The following AGBL1 variants were observed in gnomAD, a reference collection of about 807,000 sequenced individuals.
AGBL1 encodes cytosolic carboxypeptidase 4.
AGBL1 carries 130 observed loss-of-function variants against 118.9 expected under a neutral mutation model. The observed-to-expected ratio is 1.09, with a 90% CI of 0.95 to 1.26. The LOEUF (loss-of-function observed/expected upper bound fraction) is 1.26, where lower values mean the gene tolerates loss of function less well. Among genes scored for constraint, AGBL1 ranks in the 50% most tolerant of loss-of-function variants. The pLI is 0.00. For synonymous variants in AGBL1, 555 were observed against 478.9 expected, an observed-to-expected ratio of 1.16 and a Z score of -2.08; for missense variants, 1,584 against 1,298.1, an observed-to-expected ratio of 1.22 and a Z score of -3.38.
At chr15:86,578,192 C>T (rs1008566926) in intron 21 of AGBL1, among the ~76,000 whole-genome samples, 38 of 152,322 alleles carry the variant, frequency 2.5e-4, no homozygotes, top group Non-Finnish European at 4.1e-4. Flanking sequence ...TGGAAACGCA[C>T]CTCTTGCATC....
intron 22 of AGBL1, among the ~76,000 whole-genome samples, chr15:86,838,963 A>AAAAAG (rs1415060078): frequency 9.3e-5 from 14 of 150,280 alleles, no homozygotes; most frequent in African/African-American, 3.4e-4. Flanking sequence ...AAAAAAAAAA[A>AAAAAG]AAAGAAAGAA....
intron 6 of AGBL1, among the ~76,000 whole-genome samples, chr15:86,232,255 C>A (rs1205487821): frequency 1.3e-5 from 2 of 152,194 alleles, no homozygotes; most frequent in East Asian, 3.9e-4. Flanking sequence ...CATCCCTGTC[C>A]CCTTGGGACG....
chr15:86,675,149 C>A (rs746606875), intron 22 of AGBL1, among the ~76,000 whole-genome samples: 18 of 152,060 alleles, frequency 1.2e-4, no homozygotes, highest in Non-Finnish European at 2.5e-4. Context: ...TCCAAGAAGC[C>A]AAAAGCGGCT....
At chr15:86,234,479 AG>A (rs1030650338) in intron 6 of AGBL1, among the ~76,000 whole-genome samples, 5 of 142,580 alleles carry the variant, frequency 3.5e-5, no homozygotes, top group African/African-American at 1.3e-4. Flanking sequence ...TGAACTCTGG[AG>A]GCGGAGGTTG....
At chr15:86,561,513 A>G (rs1432866476) in intron 21 of AGBL1, among the ~76,000 whole-genome samples, 1 of 152,102 alleles carries the variant, frequency 6.6e-6, no homozygotes, top group African/African-American at 2.4e-5. Context: ...ATTGGTCTAT[A>G]TATCTTTTTT....
chr15:86,305,460 AAG>A (rs2079823738), intron 17 of AGBL1, among the ~76,000 whole-genome samples: 1 of 152,188 alleles, frequency 6.6e-6, no homozygotes, highest in African/African-American at 2.4e-5. Context: ...CTTAAAGAAA[AAG>A]AGTTCTAAAG....
intron 17 of AGBL1, among the ~76,000 whole-genome samples, chr15:86,373,806 T>C (rs1488592791): frequency 6.6e-6 from 1 of 152,248 alleles, no homozygotes; most frequent in Non-Finnish European, 1.5e-5. Context: ...TCCTTGAGCA[T>C]AATTAACATC....
intron 18 of AGBL1, among the ~76,000 whole-genome samples, chr15:86,514,109 GA>G (rs2083085783): frequency 6.8e-6 from 1 of 147,306 alleles, no homozygotes; most frequent in Non-Finnish European, 1.5e-5. Context: ...ACAGAGCTGG[GA>G]AATAGATGTA....
intron 21 of AGBL1, among the ~76,000 whole-genome samples, chr15:86,609,457 A>G (rs1175469037): frequency 6.6e-6 from 1 of 152,174 alleles, no homozygotes; most frequent in Non-Finnish European, 1.5e-5. Flanking sequence ...ACTGCTTTCT[A>G]TATCAGTAGC....
chr15:86,355,257 GTTC>G (rs1177289782), intron 17 of AGBL1, among the ~76,000 whole-genome samples: 3 of 152,128 alleles, frequency 2.0e-5, no homozygotes, highest in Non-Finnish European at 4.4e-5. Flanking sequence ...AGGTATATAT[GTTC>G]TTCTTTAGTG....
chr15:86,655,471 T>A (rs2085447548), intron 21 of AGBL1, among the ~76,000 whole-genome samples: 1 of 152,172 alleles, frequency 6.6e-6, no homozygotes, highest in African/African-American at 2.4e-5. Context: ...AAGTAGGTAA[T>A]CAATAATTTC....
chr15:86,924,283 A>G (rs1596639417), intron 23 of AGBL1, among the ~76,000 whole-genome samples: 2 of 152,242 alleles, frequency 1.3e-5, no homozygotes, highest in East Asian at 3.9e-4. Flanking sequence ...GGTACAATGA[A>G]TGGTCTTATT....
intron 22 of AGBL1, among the ~76,000 whole-genome samples, chr15:86,844,648 C>A (rs1284847563): frequency 6.6e-6 from 1 of 152,086 alleles, no homozygotes; most frequent in East Asian, 1.9e-4. Context: ...TATTGTCTCC[C>A]AGTCTGTGGC....
At chr15:86,493,019 C>A (rs190661424) in intron 18 of AGBL1, among the ~76,000 whole-genome samples, 25 of 152,246 alleles carry the variant, frequency 1.6e-4, no homozygotes, top group Non-Finnish European at 2.9e-5. Flanking sequence ...CATGGCGAAA[C>A]CTCACCTCTA....
intron 1 of AGBL1, among the ~76,000 whole-genome samples, chr15:86,094,874 C>A (rs1896254841): frequency 6.6e-6 from 1 of 152,150 alleles, no homozygotes; most frequent in East Asian, 1.9e-4. Flanking sequence ...TCCTAACTAC[C>A]TGGAGTTAGC....
intron 18 of AGBL1, among the ~76,000 whole-genome samples, chr15:86,438,612 A>T (rs1483749305): frequency 6.6e-6 from 1 of 152,110 alleles, no homozygotes; most frequent in East Asian, 1.9e-4. Flanking sequence ...TTATCCTAAA[A>T]ATTTATCTAC....
At chr15:86,898,334 T>C (rs1457110228) in intron 22 of AGBL1, among the ~76,000 whole-genome samples, 1 of 152,200 alleles carries the variant, frequency 6.6e-6, no homozygotes, top group Non-Finnish European at 1.5e-5. Flanking sequence ...TTTTACAGTT[T>C]TGAGTTTTAC....
chr15:86,514,651 A>G (rs1010564475), intron 18 of AGBL1, among the ~76,000 whole-genome samples: 2 of 152,130 alleles, frequency 1.3e-5, no homozygotes, highest in Admixed American at 6.5e-5. Context: ...ACAAAAATAT[A>G]TGCTCAGGGA....
At chr15:86,379,104 G>T (rs1371850606) in intron 17 of AGBL1, among the ~76,000 whole-genome samples, 1 of 151,646 alleles carries the variant, frequency 6.6e-6, no homozygotes, top group East Asian at 1.9e-4. Flanking sequence ...GTAAAGGTGG[G>T]GTTTCACCGT....
Sources: allele counts gnomAD v4.1 joint callset (sites outside exome capture counted in the v4.1 genomes callset), GRCh38; gene constraint gnomAD v4.1.1; transcripts MANE v1.5; gene names NCBI Gene and HGNC (gene_info 2026-07-23, HGNC 2026-07-21).